TBCD: variants seen among roughly 807,000 people sequenced by gnomAD.
TBCD encodes tubulin folding cofactor D.
TBCD carries 105 observed loss-of-function variants against 169.3 expected under a neutral mutation model. That is an observed-to-expected ratio of 0.62 (90% CI 0.53 to 0.73). The LOEUF (loss-of-function observed/expected upper bound fraction) is 0.73, where lower values mean the gene tolerates loss of function less well. TBCD is among the 30% of genes least tolerant of loss of function. The pLI is 0.00. For missense variants in TBCD, 1,444 were observed against 1,600.1 expected (o/e 0.90, Z 1.66); for synonymous variants, 700 against 643.9 (o/e 1.09, Z -1.32).
At chr17:82,894,116 A>AGGGACTGTTTCTTTCTGTTTCGGTAAT (rs1555636073) in intron 17 of TBCD, among the ~76,000 whole-genome samples, 20 of 152,114 alleles carry the variant, frequency 1.3e-4, no homozygotes, top group South Asian at 4.1e-4. Flanking sequence ...AAGTGTTTTG[A>AGGGACTGTTTCTTTCTGTTTCGGTAAT]AGTTGAAGTT....
intron 11 of TBCD, among the ~76,000 whole-genome samples, chr17:82,809,063 C>T (rs1419232353): frequency 6.6e-6 from 1 of 152,008 alleles, no homozygotes; most frequent in Non-Finnish European, 1.5e-5. Flanking sequence ...CTGGGAGGAG[C>T]TCCACAGGGC....
rs1483633322 is a variant in TBCD, at chr17:82,945,759, ATGTCTCCAGACAC to A, written c.*3299_*3311del. On this transcript the variant is annotated 3_prime_UTR_variant, in exon 39 of 39. Transcript: ENST00000355528. ...CCAGCTGTGACAAAAAGAAAAAAAA[ATGTCTCCAGACAC>A]TGCCAAATATCTTCTGGGGGTGCCC... 2.6e-5 allele frequency: 4 copies of A among 152,196 alleles called. No individual in the cohort carries two copies. The highest frequency in any genetic ancestry group is 9.7e-5 in the African/African-American group (4 of 41,418). 9.4% of individuals were successfully genotyped at this position (152,196 alleles called of 1,614,324 possible).
intron 23 of TBCD, among the ~76,000 whole-genome samples, chr17:82,917,226 G>T (rs2147076136): frequency 1.3e-5 from 2 of 152,018 alleles, no homozygotes; most frequent in East Asian, 3.9e-4. Context: ...CACCACGTTG[G>T]CCAGGCTGGT....
intron 12 of TBCD, among the ~76,000 whole-genome samples, chr17:82,810,818 G>A (rs2051381357): frequency 6.6e-6 from 1 of 152,212 alleles, no homozygotes; most frequent in Non-Finnish European, 1.5e-5. Context: ...GCTCCAGTTC[G>A]CGTTGCCTGT....
At chr17:82,875,751 G>T (rs1038136353) in intron 14 of TBCD, among the ~76,000 whole-genome samples, 1 of 152,348 alleles carries the variant, frequency 6.6e-6, no homozygotes, top group Middle Eastern at 3.4e-3. Flanking sequence ...AGCTTCCAGG[G>T]GAAGACAACA....
At chr17:82,799,441 C>CAAAAAAAA (rs61017445) in intron 8 of TBCD, among the ~76,000 whole-genome samples, 2,137 of 72,462 alleles carry the variant, frequency 0.029, 278 homozygotes, top group African/African-American at 0.038. Context: ...GACTCTGTCT[C>CAAAAAAAA]AAAAAAAAAA....
intron 17 of TBCD, among the ~76,000 whole-genome samples, chr17:82,894,431 G>A (rs529931646): frequency 1.3e-5 from 2 of 152,238 alleles, no homozygotes; most frequent in Non-Finnish European, 2.9e-5. Context: ...AAGCATGCCC[G>A]ATGCATTTTT....
At chr17:82,838,951 C>A in intron 13 of TBCD, 8 of 985,380 alleles carry the variant, frequency 8.1e-6, no homozygotes, top group Non-Finnish European at 9.6e-6. Context: ...TGTGGACGGA[C>A]TGTGCTTGGT....
Position 82,873,206 on chromosome 17 carries a change from C to G in TBCD, c.1475+2826C>G, listed in dbSNP as rs78415624. On this transcript the variant is annotated intron_variant, in intron 14 of 38. Transcript: ENST00000355528. Reference sequence around the variant, plus strand: ...AAATCCTCACGGATTTCCTTTTCAGCCTCATATTTTGTCTAAGAGCTGTCA... The same window carrying G: ...AAATCCTCACGGATTTCCTTTTCAGGCTCATATTTTGTCTAAGAGCTGTCA... 8.6e-3 allele frequency among the ~76,000 whole-genome samples: 1,311 copies of G among 152,356 alleles called. 15 individuals carry two copies. The highest frequency in any genetic ancestry group is 0.03 in the African/African-American group (1,252 of 41,576).
At position 82,832,097 on chromosome 17, in the gene TBCD, G is replaced by T. The variant is rs776475239; in HGVS notation, c.1318+17163G>T. 7 of 1,614,052 alleles carry T rather than the reference G, an allele frequency of 4.3e-6. No homozygotes were observed. In the African/African-American group the frequency reaches 5.3e-5, roughly 12 times the overall value. On this transcript the variant is annotated intron_variant, in intron 13 of 38. Coordinates refer to ENST00000355528, the MANE Select transcript of TBCD (RefSeq NM_005993.5). This position sits in a 1 kb window ranked among gnomAD's most constrained non-coding sequence, Gnocchi z 4.9. ...TGTCCCAGGCACCTGTGGGTTCCCC[G>T]GGCTTGCAGCTCCAGGTTTTCCTTG...
chr17:82,901,552 T>C (rs1327414310), intron 18 of TBCD, among the ~76,000 whole-genome samples: 1 of 146,978 alleles, frequency 6.8e-6, no homozygotes, highest in Non-Finnish European at 1.5e-5. Flanking sequence ...TTGGTCCTGC[T>C]TCCTGGGGAG....
chr17:82,769,937 A>G (rs1213545590), intron 5 of TBCD, among the ~76,000 whole-genome samples: 3 of 152,106 alleles, frequency 2.0e-5, no homozygotes, highest in Non-Finnish European at 4.4e-5. Context: ...TCAGTGATTA[A>G]TTAACTGTGA....
chr17:82,831,070 G>C lies in TBCD; in HGVS notation c.1318+16136G>C. On this transcript the variant is annotated intron_variant, in intron 13 of 38. Transcript: ENST00000355528. This position sits in a 1 kb window ranked among gnomAD's most constrained non-coding sequence, Gnocchi z 4.6. ...AGCAGCCTGGGCAGGTAGGCATTCT[G>C]TGCTTTTCTTAACAGGCCTGAAGGC... The C allele has an allele frequency of 6.2e-7, 1 of 1,614,222 alleles. No homozygotes were observed. Among genetic ancestry groups the C allele is most frequent in the Non-Finnish European group, 8.5e-7 (1 of 1,180,048 alleles).
chr17:82,854,843 C>T (rs1484585803), intron 13 of TBCD, among the ~76,000 whole-genome samples: 2 of 152,146 alleles, frequency 1.3e-5, no homozygotes, highest in Non-Finnish European at 1.5e-5. Context: ...CTGTCAGCAT[C>T]GCAGTGGACA....
At chr17:82,828,385 T>TACAC (rs138156874) in intron 13 of TBCD, among the ~76,000 whole-genome samples, 66,354 of 139,186 alleles carry the variant, frequency 0.48, 15,038 homozygotes, top group East Asian at 0.56. Flanking sequence ...CACTCACAGA[T>TACAC]ACATGCACAC....
At chr17:82,854,388 C>T (rs1411777055) in intron 13 of TBCD, among the ~76,000 whole-genome samples, 1 of 152,196 alleles carries the variant, frequency 6.6e-6, no homozygotes, top group African/African-American at 2.4e-5. Context: ...CCACAAAGGG[C>T]GATGAAATGT....
chr17:82,927,116 C>T, intron 28 of TBCD, 70 bp from the exon 29 acceptor site: 11 of 1,595,348 alleles, frequency 6.9e-6, no homozygotes, highest in Non-Finnish European at 9.4e-6. Flanking sequence ...GAACACACAT[C>T]AGCCCTCTGC....
chr17:82,837,246 C>T lies in TBCD; in HGVS notation c.1318+22312C>T, dbSNP rs565561049. On this transcript the variant is annotated intron_variant, in intron 13 of 38. Transcript: ENST00000355528. Reference sequence around the variant, plus strand: ...TTTATAAGGATGAAGAAACCAAACCCGACGGCCAGTACCTCAGGCTGTCAC... The same window carrying T: ...TTTATAAGGATGAAGAAACCAAACCTGACGGCCAGTACCTCAGGCTGTCAC... 3.3e-5 allele frequency among the ~76,000 whole-genome samples: 5 copies of T among 152,258 alleles called. No homozygotes were observed. In the South Asian group the frequency reaches 1.0e-3, roughly 32 times the overall value.
At position 82,861,913 on chromosome 17, in the gene TBCD, C is replaced by CT. The variant is rs1234418745; in HGVS notation, c.1319-8299dup. ...ACAATTCTTTTAAAAACCTGAAGGTCTTTTTTTTTTTTCTTTTTTTTGAGA... is the reference window on the plus strand; with the variant it reads ...ACAATTCTTTTAAAAACCTGAAGGTCTTTTTTTTTTTTTCTTTTTTTTGAGA... On this transcript the variant is annotated intron_variant, in intron 13 of 38. Coordinates refer to ENST00000355528, the MANE Select transcript of TBCD (RefSeq NM_005993.5). 2.8e-3 allele frequency among the ~76,000 whole-genome samples: 401 copies of CT among 144,282 alleles called. 1 individual carries two copies. Among genetic ancestry groups the CT allele is most frequent in the African/African-American group, 7.0e-3 (279 of 39,588 alleles). 94.7% of individuals were successfully genotyped at this position (144,282 alleles called of 152,430 possible).
Sources: allele counts gnomAD v4.1 joint callset (sites outside exome capture counted in the v4.1 genomes callset), GRCh38; gene constraint gnomAD v4.1.1; non-coding constraint Gnocchi (gnomAD v3.1); transcripts MANE v1.5; gene names NCBI Gene and HGNC (gene_info 2026-07-23, HGNC 2026-07-21).